The following PPP3CB variants were observed in gnomAD, a reference collection of about 807,000 sequenced individuals.
PPP3CB encodes the protein protein phosphatase 3 catalytic subunit beta.
In PPP3CB, 8 loss-of-function variants were observed where a neutral mutation model predicts 66.4. The ratio of observed to expected loss-of-function variants is 0.12; its 90% CI spans 0.07 to 0.22. PPP3CB has a LOEUF of 0.22. Among genes scored for constraint, PPP3CB ranks in the 10% least tolerant of loss-of-function variants. The probability of loss-of-function intolerance (pLI) is 1.00; values close to 1 mark genes in which losing one functional copy is unlikely to be tolerated. For missense variants in PPP3CB, 319 were observed against 642.5 expected (o/e 0.50, Z 5.44); for synonymous variants, 208 against 221.2 (o/e 0.94, Z 0.53).
chr10:73,491,022 GTTT>G (rs528238766), intron 1 of PPP3CB, among the ~76,000 whole-genome samples: 75 of 40,882 alleles, frequency 1.8e-3, no homozygotes, highest in East Asian at 1.0e-2. Flanking sequence ...TGTTTTTATT[GTTT>G]TTTTTTTTTT....
chr10:73,489,454 A>G (rs1589721319), intron 1 of PPP3CB, among the ~76,000 whole-genome samples: 1 of 145,004 alleles, frequency 6.9e-6, no homozygotes, highest in East Asian at 2.2e-4. Context: ...CCATTGGTTG[A>G]GTACTTACCA....
chr10:73,454,769 A>T (rs1207352537), intron 9 of PPP3CB, among the ~76,000 whole-genome samples: 1 of 152,158 alleles, frequency 6.6e-6, no homozygotes, highest in Non-Finnish European at 1.5e-5. Context: ...ACAGAGATGA[A>T]TAACAACTGA....
chr10:73,495,851 T>C lies in PPP3CB; in HGVS notation c.39A>G (p.Pro13=), dbSNP rs1341036744. The change falls in exon 1 of 14, where the codon CCA becomes CCG. Residue 13 remains proline, a synonymous_variant. Coordinates refer to ENST00000360663, the MANE Select transcript of PPP3CB (RefSeq NM_021132.4). ...APEPARAAPP[P]PPPPPPPPGA... ...CGGGAGGGGGCGGCGGGGGCGGGGG[T>C]GGGGGCGGTGCAGCCCGGGCCGGCT... 5 of 461,338 alleles carry C rather than the reference T, an allele frequency of 1.1e-5. No homozygotes were observed. The African/African-American group carries it at 1.3e-4, about 12-fold the overall frequency. The allele number at this position is 461,338 out of a possible 1,614,324, so 28.6% of individuals were successfully genotyped here. A position where few individuals can be genotyped will look rare whatever the true frequency, so the allele number is the denominator to read the frequency against.
At chr10:73,466,677 T>G (rs911070503) in intron 9 of PPP3CB, among the ~76,000 whole-genome samples, 2 of 152,174 alleles carry the variant, frequency 1.3e-5, no homozygotes, top group African/African-American at 4.8e-5. Flanking sequence ...CATACACAGT[T>G]TAAGTATTAA....
chr10:73,441,792 T>C (rs1368734339), intron 12 of PPP3CB, among the ~76,000 whole-genome samples: 2 of 152,138 alleles, frequency 1.3e-5, no homozygotes, highest in Admixed American at 6.6e-5. Context: ...AAAGAAAACA[T>C]ACATAAAATA....
chr10:73,451,714 T>TG (rs1289412607), intron 10 of PPP3CB, among the ~76,000 whole-genome samples: 2 of 149,900 alleles, frequency 1.3e-5, no homozygotes, highest in Non-Finnish European at 1.5e-5. Flanking sequence ...AGACCAGCCT[T>TG]GGTAACATAG....
rs10524475 is a variant in PPP3CB, at chr10:73,489,408, C to CAATAATAATAATAAT, written c.85+6382_85+6396dup. Among the ~76,000 whole-genome samples, 263 of 149,948 alleles carry CAATAATAATAATAAT rather than the reference C, an allele frequency of 1.8e-3. 1 individual carries two copies. Among genetic ancestry groups the CAATAATAATAATAAT allele is most frequent in the South Asian group, 7.9e-3 (37 of 4,670 alleles). ...GGTCACTATTCTACTTTAAAACCTTCAATAATAATAATAATAATAATAATG... is the reference window on the plus strand; with the variant it reads ...GGTCACTATTCTACTTTAAAACCTTCAATAATAATAATAATAATAATAATAATAATAATAATAATG... On this transcript the variant is annotated intron_variant, in intron 1 of 13. Coordinates refer to ENST00000360663, the MANE Select transcript of PPP3CB (RefSeq NM_021132.4).
chr10:73,478,699 T>C, intron 2 of PPP3CB, 76 bp from the exon 3 acceptor site: 1 of 1,296,726 alleles, frequency 7.7e-7, no homozygotes, highest in Non-Finnish European at 1.1e-6. Context: ...AAACGTATTT[T>C]ACATAAGACA....
chr10:73,445,749 C>CTT (rs1208013891), intron 11 of PPP3CB, among the ~76,000 whole-genome samples: 8 of 129,612 alleles, frequency 6.2e-5, no homozygotes, highest in Non-Finnish European at 9.9e-5. Flanking sequence ...CCTAAGTACC[C>CTT]TTTTTTTTTT....
In PPP3CB at chr10:73,437,791, C is replaced by G. The variant is rs1428358103; in HGVS notation, c.*451G>C. On this transcript the variant is annotated 3_prime_UTR_variant, in exon 14 of 14. Coordinates refer to ENST00000360663, the MANE Select transcript of PPP3CB (RefSeq NM_021132.4). ...TCACAATTCAAAATACAGCTAGTAA[C>G]CTCAGAAATGTATTTTAAGACCATG... 1 of 153,350 alleles carries G rather than the reference C, an allele frequency of 6.5e-6. No homozygotes were observed. The highest frequency in any genetic ancestry group is 1.5e-5 in the Non-Finnish European group (1 of 68,590). 9.5% of individuals were successfully genotyped at this position (153,350 alleles called of 1,614,324 possible).
At chr10:73,439,743 C>G (rs1350234846) in intron 13 of PPP3CB, 129 bp downstream of exon 13, 6 of 1,020,500 alleles carry the variant, frequency 5.9e-6, no homozygotes, top group Non-Finnish European at 7.2e-6. Flanking sequence ...GGCTTCTAAA[C>G]TTGATGAATC....
chr10:73,466,802 T>C (rs1314936766), intron 9 of PPP3CB, among the ~76,000 whole-genome samples: 2 of 152,124 alleles, frequency 1.3e-5, no homozygotes, highest in African/African-American at 4.8e-5. Flanking sequence ...CTGAACAAAA[T>C]GTTTTATAAT....
At chr10:73,455,694 G>GCCCA (rs1564553083) in intron 9 of PPP3CB, among the ~76,000 whole-genome samples, 1 of 152,068 alleles carries the variant, frequency 6.6e-6, no homozygotes, top group Non-Finnish European at 1.5e-5. Flanking sequence ...TCAGCCTTTT[G>GCCCA]AGTAGCTGGG....
intron 12 of PPP3CB, chr10:73,443,648 G>A (rs2056199634): frequency 6.6e-6 from 1 of 152,160 alleles, no homozygotes; most frequent in Non-Finnish European, 1.5e-5. Flanking sequence ...GAATTACTGT[G>A]TATGGTCACT....
chr10:73,443,120 G>C (rs1185412859), intron 12 of PPP3CB, among the ~76,000 whole-genome samples: 1 of 151,764 alleles, frequency 6.6e-6, no homozygotes, highest in East Asian at 1.9e-4. Context: ...GACTGCTTGA[G>C]CCCAGGAGGT....
intron 3 of PPP3CB, among the ~76,000 whole-genome samples, chr10:73,477,398 GAATT>G (rs369990974): frequency 5.9e-5 from 9 of 152,102 alleles, no homozygotes; most frequent in African/African-American, 1.2e-4. Flanking sequence ...CTAACACAAG[GAATT>G]AATTAATTAT....
At position 73,470,799 on chromosome 10, in the gene PPP3CB, T is replaced by C. The variant is rs199596116; in HGVS notation, c.888-18A>G. ...TTCTATAGCTGCAAAACAAATAGCT[T>C]AATATGCATCGTAAAGCATCAATCA... On this transcript the variant is annotated intron_variant, in intron 7 of 13. Coordinates refer to ENST00000360663, the MANE Select transcript of PPP3CB (RefSeq NM_021132.4). 40 of 1,589,288 alleles carry C rather than the reference T, an allele frequency of 2.5e-5. No homozygotes were observed. The Admixed American group carries it at 4.2e-4, about 17-fold the overall frequency.
At chr10:73,443,234 CAGAGAG>C (rs373651384) in intron 12 of PPP3CB, among the ~76,000 whole-genome samples, 1 of 101,072 alleles carries the variant, frequency 9.9e-6, no homozygotes, top group South Asian at 3.1e-4. Flanking sequence ...AAAAGAAAGA[CAGAGAG>C]AGAGAGAGAA....
At chr10:73,484,366 G>A (rs1219082767) in intron 1 of PPP3CB, among the ~76,000 whole-genome samples, 2 of 151,932 alleles carry the variant, frequency 1.3e-5, no homozygotes, top group African/African-American at 2.4e-5. Flanking sequence ...GCCCCCCGGG[G>A]TTCATGCCAT....
Sources: gnomAD v4.1 joint callset for allele counts (sites outside exome capture counted in the v4.1 genomes callset) on GRCh38, gnomAD v4.1.1 for gene constraint, MANE v1.5 for transcripts, NCBI Gene and HGNC (gene_info 2026-07-23, HGNC 2026-07-21) for gene names.